Variants in PTPRG observed in about 807,000 individuals in gnomAD.
PTPRG encodes the protein receptor-type tyrosine-protein phosphatase gamma.
In PTPRG, 102 loss-of-function variants were observed where a neutral mutation model predicts 165.3. The observed-to-expected ratio is 0.62, with a 90% CI of 0.53 to 0.73. The LOEUF is 0.73. Ranked by LOEUF, PTPRG falls within the 30% of genes least tolerant of loss-of-function variation. The pLI is 0.00. For synonymous variants in PTPRG, 675 were observed against 669.5 expected (o/e 1.01, Z -0.13); for missense variants, 1,866 against 1,861.4 (o/e 1.00, Z -0.05).
intron 4 of PTPRG, among the ~76,000 whole-genome samples, chr3:62,064,331 C>CAAACATTTT: frequency 6.6e-6 from 1 of 152,108 alleles, no homozygotes; most frequent in African/African-American, 2.4e-5. Context: ...ACAAACTATA[C>CAAACATTTT]TGAGTTGTAT....
intron 2 of PTPRG, among the ~76,000 whole-genome samples, chr3:61,768,057 G>A (rs2034089326): frequency 6.6e-6 from 1 of 151,918 alleles, no homozygotes; most frequent in Admixed American, 6.6e-5. Context: ...GGGAGGATAG[G>A]AAATATAATA....
At chr3:61,676,447 A>G (rs1703223221) in intron 1 of PTPRG, among the ~76,000 whole-genome samples, 1 of 116,406 alleles carries the variant, frequency 8.6e-6, no homozygotes, top group Non-Finnish European at 1.8e-5. Context: ...ACAGAGCCAG[A>G]CTCCATCTCA....
chr3:61,883,047 G>A (rs538885834), intron 2 of PTPRG, among the ~76,000 whole-genome samples: 110 of 152,258 alleles, frequency 7.2e-4, no homozygotes, highest in Non-Finnish European at 1.2e-4. Flanking sequence ...TATGGCTGGT[G>A]ACATGCACAG....
intron 4 of PTPRG, among the ~76,000 whole-genome samples, chr3:62,076,201 C>T (rs541754765): frequency 2.0e-5 from 3 of 151,996 alleles, no homozygotes; most frequent in Admixed American, 1.3e-4. Flanking sequence ...GTGGGAGGAT[C>T]GCTTGAGTCC....
At chr3:61,875,645 G>A (rs943798024) in intron 2 of PTPRG, among the ~76,000 whole-genome samples, 7 of 151,926 alleles carry the variant, frequency 4.6e-5, no homozygotes, top group African/African-American at 1.4e-4. Flanking sequence ...ATGCACATGC[G>A]CACACACACA....
intron 4 of PTPRG, among the ~76,000 whole-genome samples, chr3:62,071,223 AT>A (rs946025897): frequency 1.3e-5 from 2 of 151,748 alleles, no homozygotes; most frequent in Non-Finnish European, 2.9e-5. Flanking sequence ...CTCCGTCATG[AT>A]TTTTTTTCTT....
intron 9 of PTPRG, among the ~76,000 whole-genome samples, chr3:62,192,433 G>C (rs992812184): frequency 1.0e-5 from 1 of 97,458 alleles, no homozygotes; most frequent in African/African-American, 4.0e-5. Context: ...TTTTGAGACA[G>C]AGTCTTGCTC....
intron 2 of PTPRG, among the ~76,000 whole-genome samples, chr3:61,829,182 A>T (rs967838214): frequency 1.3e-5 from 2 of 152,258 alleles, no homozygotes; most frequent in African/African-American, 4.8e-5. Flanking sequence ...GGCGAAGTAA[A>T]TGTCTCTGTG....
chr3:61,970,683 ATT>A (rs2040362696), intron 2 of PTPRG, among the ~76,000 whole-genome samples: 1 of 91,252 alleles, frequency 1.1e-5, no homozygotes, highest in African/African-American at 5.4e-5. Context: ...TTCAGAATTT[ATT>A]TGAACTCTTA....
intron 4 of PTPRG, among the ~76,000 whole-genome samples, chr3:62,059,400 C>G (rs1700732804): frequency 6.6e-6 from 1 of 152,186 alleles, no homozygotes. Flanking sequence ...CCCCTATTGT[C>G]CATAAAACAG....
intron 16 of PTPRG, among the ~76,000 whole-genome samples, chr3:62,259,822 C>G (rs959635281): frequency 1.3e-5 from 2 of 152,072 alleles, no homozygotes; most frequent in African/African-American, 4.8e-5. Context: ...GGCATTCTTA[C>G]CAAGGTAAAT....
intron 1 of PTPRG, among the ~76,000 whole-genome samples, chr3:61,679,770 ACT>A (rs1379848870): frequency 1.3e-5 from 2 of 151,906 alleles, no homozygotes; most frequent in African/African-American, 4.8e-5. Context: ...GACGAGCGAA[ACT>A]CTGTCTCAAA....
intron 2 of PTPRG, among the ~76,000 whole-genome samples, chr3:61,878,421 G>A (rs908871498): frequency 1.3e-5 from 2 of 152,086 alleles, no homozygotes; most frequent in African/African-American, 4.8e-5. Flanking sequence ...GTGTTTTGTT[G>A]TTGTTGTTTG....
At chr3:61,755,419 G>C (rs1465785158) in intron 2 of PTPRG, among the ~76,000 whole-genome samples, 1 of 152,162 alleles carries the variant, frequency 6.6e-6, no homozygotes, top group Non-Finnish European at 1.5e-5. Flanking sequence ...TGCTTAGCCT[G>C]ACCCATTTCT....
chr3:61,923,052 G>T (rs557541532), intron 2 of PTPRG, among the ~76,000 whole-genome samples: 1 of 152,172 alleles, frequency 6.6e-6, no homozygotes, highest in South Asian at 2.1e-4. Flanking sequence ...TATCATTGTT[G>T]TCTCACACTC....
intron 2 of PTPRG, among the ~76,000 whole-genome samples, chr3:61,869,558 C>G (rs898158730): frequency 4.0e-5 from 6 of 151,040 alleles, no homozygotes; most frequent in Non-Finnish European, 1.5e-5. Context: ...ATTCATTAAC[C>G]CTCCCCTCCC....
Position 62,195,996 on chromosome 3 carries a change from G to T in PTPRG, c.1327+826G>T, listed in dbSNP as rs1030004206. Among the ~76,000 whole-genome samples the T allele has an allele frequency of 2.0e-5, 3 of 151,346 alleles. No homozygotes were observed. The highest frequency in any genetic ancestry group is 7.3e-5 in the African/African-American group (3 of 41,204). On this transcript the variant is annotated intron_variant, in intron 10 of 29. Transcript: ENST00000474889. This position sits in a 1 kb window ranked among gnomAD's most constrained non-coding sequence, Gnocchi z 4.4. ...TAGAGACGGGGGTTTCACCATGTTG[G>T]CCAGGCTGGTCTTGAACTCCTGACT...
At chr3:61,872,595 C>G (rs997285365) in intron 2 of PTPRG, among the ~76,000 whole-genome samples, 3 of 151,934 alleles carry the variant, frequency 2.0e-5, no homozygotes, top group Non-Finnish European at 4.4e-5. Context: ...AGTGCTCACT[C>G]AATATTAATC....
chr3:62,203,681 C>T lies in PTPRG; in HGVS notation c.1886C>T (p.Ser629Phe). 1 of 1,569,012 alleles carries T rather than the reference C, an allele frequency of 6.4e-7. No individual in the cohort carries two copies. ...ACGGAGCCCAGCCCCACACCCTCGT[C>T]TCCTAACAGGACTGCCGAGGGAGGG... ...NQTEPSPTPS[S>F]PNRTAEGGHQ... The change falls in exon 12 of 30, where the codon TCT becomes TTT. Residue 629 changes from serine (S) to phenylalanine (F), a missense_variant. Around this residue, in one of 3 missense-constraint regions of PTPRG, gnomAD observed 1,452 missense variants for 1,463.0 expected, o/e 0.99. Coordinates refer to ENST00000474889, the MANE Select transcript of PTPRG (RefSeq NM_002841.4). The surrounding 1 kb of genome is among the most constrained non-coding windows in gnomAD (Gnocchi z 6.4).
Sources: allele counts gnomAD v4.1 joint callset (sites outside exome capture counted in the v4.1 genomes callset), GRCh38; gene constraint gnomAD v4.1.1; regional missense constraint gnomAD v4.1.1; non-coding constraint Gnocchi (gnomAD v3.1); transcripts MANE v1.5; gene names NCBI Gene and HGNC (gene_info 2026-07-23, HGNC 2026-07-21).